Variants in FLOT1 observed in about 807,000 individuals in gnomAD.
FLOT1 encodes the protein flotillin-1.
In FLOT1, 40 loss-of-function variants were observed where a neutral mutation model predicts 58.4. That is an observed-to-expected ratio of 0.69 (90% CI 0.53 to 0.89). The LOEUF (loss-of-function observed/expected upper bound fraction) is 0.89. FLOT1 is among the 40% of genes least tolerant of loss of function. The probability of loss-of-function intolerance (pLI) is 0.00; values close to 1 mark genes in which losing one functional copy is unlikely to be tolerated. For synonymous variants in FLOT1, 178 were observed against 204.2 expected (o/e 0.87, Z 1.09); for missense variants, 423 against 540.8 (o/e 0.78, Z 2.16).
In FLOT1 at chr6:30,741,041, C is replaced by T. The variant is rs1047775073; in HGVS notation, c.354+149G>A. 6.5e-6 allele frequency: 7 copies of T among 1,084,946 alleles called. No individual in the cohort carries two copies. Among genetic ancestry groups the T allele is most frequent in the Non-Finnish European group, 9.1e-6 (7 of 768,086 alleles). 67.2% of individuals were successfully genotyped at this position (1,084,946 alleles called of 1,614,324 possible). A position where few individuals can be genotyped will look rare whatever the true frequency, so the allele number is the denominator to read the frequency against. ...ACCTCAAGTGATCTGCCCACCTTGG[C>T]ATCCCAAAGTGCTGGGATTACAGGC... On this transcript the variant is annotated intron_variant, in intron 5 of 12. Coordinates refer to ENST00000376389, the MANE Select transcript of FLOT1 (RefSeq NM_005803.4). This position sits in a 1 kb window ranked among gnomAD's most constrained non-coding sequence, Gnocchi z 5.9.
intron 5 of FLOT1, 36 bp from the exon 6 acceptor site, chr6:30,740,834 G>GTTTTTTTTTTTTT: frequency 2.3e-6 from 3 of 1,314,002 alleles, no homozygotes; most frequent in Non-Finnish European, 3.0e-6. Context: ...AGGGATGTAA[G>GTTTTTTTTTTTTT]TTTTTTTTTT....
At position 30,730,980 on chromosome 6, in the gene FLOT1, G is replaced by C. The variant is rs779840395; in HGVS notation, c.844C>G (p.Arg282Gly). The change falls in exon 9 of 13, where the codon CGG (arginine) becomes GGG (glycine). Residue 282 changes from arginine (R) to glycine (G), a missense_variant. Arg to Gly is a moderately radical substitution (Grantham distance 125). Transcript: ENST00000376389. ...TCCGCTTCCGCTGGCTTCCGCACCC[G>C]GGCCTCCAGCTCCTTCTCCCGCCGG... ...IARREKELEA[R>G]VRKPAEAERY... 6.2e-7 allele frequency: 1 copy of C among 1,613,896 alleles called. No individual in the cohort carries two copies. The highest frequency in any genetic ancestry group is 8.5e-7 in the Non-Finnish European group (1 of 1,179,966).
rs1225707678 is a variant in FLOT1, at chr6:30,737,475, C to T, written c.723+2683G>A. 2.0e-5 allele frequency among the ~76,000 whole-genome samples: 3 copies of T among 152,118 alleles called. No homozygotes were observed. Among genetic ancestry groups the T allele is most frequent in the Admixed American group, 2.0e-4 (3 of 15,268 alleles). On this transcript the variant is annotated intron_variant, in intron 8 of 12. Coordinates refer to ENST00000376389, the MANE Select transcript of FLOT1 (RefSeq NM_005803.4). The surrounding 1 kb of genome is among the most constrained non-coding windows in gnomAD (Gnocchi z 4.4). ...GGGTTTCACTGTTGGCCAGACTGGT[C>T]TCAAACTCCCGGCCTCAAGTGATCT...
chr6:30,728,978 CTG>C (rs1776949990), intron 12 of FLOT1, among the ~76,000 whole-genome samples: 1 of 151,954 alleles, frequency 6.6e-6, no homozygotes, highest in African/African-American at 2.4e-5. Flanking sequence ...CGGGGTTTCA[CTG>C]TGTTAGCCAG....
chr6:30,734,046 G>GAA (rs796499603), intron 8 of FLOT1, among the ~76,000 whole-genome samples: 2,990 of 48,762 alleles, frequency 0.061, 357 homozygotes, highest in Non-Finnish European at 0.1. Flanking sequence ...CCCTGTCTCT[G>GAA]AAAAAAAAAA....
rs573773178 is a variant in FLOT1 at position 30,728,042 on chromosome 6, G to C, written c.*74C>G. ...TCAATGGACATGCTCAGGGAGGCCA[G>C]TGGGTTACATGCAACAGGAGGATCA... On this transcript the variant is annotated 3_prime_UTR_variant, in exon 13 of 13. Transcript: ENST00000376389. 2.0e-4 allele frequency: 270 copies of C among 1,377,894 alleles called. 1 individual carries two copies. The South Asian group carries it at 3.1e-3, about 16-fold the overall frequency. 85.4% of individuals were successfully genotyped at this position (1,377,894 alleles called of 1,614,324 possible).
chr6:30,734,947 C>A (rs1777460131), intron 8 of FLOT1, among the ~76,000 whole-genome samples: 1 of 152,166 alleles, frequency 6.6e-6, no homozygotes, highest in African/African-American at 2.4e-5. Flanking sequence ...CCTTTGTCAT[C>A]TGCTCAGAGG....
In FLOT1 at chr6:30,742,242, G is replaced by A. The variant is rs1343778910; in HGVS notation, c.-14-39C>T. On this transcript the variant is annotated intron_variant, in intron 1 of 12. Transcript: ENST00000376389. The surrounding 1 kb of genome is among the most constrained non-coding windows in gnomAD (Gnocchi z 5.2). The stretch of plus-strand genomic sequence containing the variant: ...AGGGAAAGCCTTTGCGGATGGGGAA[G>A]GCGCGCTGTGGCGTCCACAGGGGCC... 6.4e-7 allele frequency: 1 copy of A among 1,562,848 alleles called. No homozygotes were observed. Among genetic ancestry groups the A allele is most frequent in the Non-Finnish European group, 8.8e-7 (1 of 1,134,336 alleles).
chr6:30,729,513 A>T (rs1776997176), intron 12 of FLOT1, among the ~76,000 whole-genome samples: 1 of 152,220 alleles, frequency 6.6e-6, no homozygotes, highest in Non-Finnish European at 1.5e-5. Flanking sequence ...ATGAGGAAAC[A>T]GGTATAGAGA....
chr6:30,739,404 C>T (rs1293700763), intron 8 of FLOT1, among the ~76,000 whole-genome samples: 1 of 151,536 alleles, frequency 6.6e-6, no homozygotes, highest in Non-Finnish European at 1.5e-5. Context: ...GAGTCTCACT[C>T]TGTCACCCAG....
chr6:30,738,942 T>C (rs938354878), intron 8 of FLOT1, among the ~76,000 whole-genome samples: 2 of 152,226 alleles, frequency 1.3e-5, no homozygotes. Flanking sequence ...GTACTGTGCG[T>C]GTCTGCAAAA....
At chr6:30,729,334 C>G (rs898270129) in intron 12 of FLOT1, among the ~76,000 whole-genome samples, 1 of 152,184 alleles carries the variant, frequency 6.6e-6, no homozygotes, top group African/African-American at 2.4e-5. Flanking sequence ...CTGCCTCAGC[C>G]TCCCAAAGTG....
intron 8 of FLOT1, among the ~76,000 whole-genome samples, chr6:30,736,856 G>A (rs1041626948): frequency 2.6e-5 from 4 of 151,984 alleles, no homozygotes; most frequent in Non-Finnish European, 4.4e-5. Flanking sequence ...GCCTCCCAAA[G>A]TGTTGGGATT....
chr6:30,736,318 G>A (rs1318162803), intron 8 of FLOT1: 1 of 151,836 alleles, frequency 6.6e-6, no homozygotes, highest in African/African-American at 2.4e-5. Context: ...GACTAATCAA[G>A]TGCAATAGTG....
At position 30,740,486 on chromosome 6, in the gene FLOT1, T is replaced by C. The variant is rs767777185; in HGVS notation, c.570+10A>G. ...CCCCTTTCCCACTAAGCAACCCCCA[T>C]CTCTCTCACCCGGATCCCAGCATCT... On this transcript the variant is annotated intron_variant, in intron 7 of 12. Transcript: ENST00000376389. 6.2e-7 allele frequency: 1 copy of C among 1,611,618 alleles called. No homozygotes were observed. Among genetic ancestry groups the C allele is most frequent in the Non-Finnish European group, 8.5e-7 (1 of 1,179,402 alleles).
Position 30,731,068 on chromosome 6 carries a change from C to G in FLOT1, c.756G>C (p.Gln252His). ...GCTCCACCACCTGCACCTGCACCCG[C>G]TGCTCCTCAATCTGCTGCTTAGTCT... ...VAKTKQQIEE[Q>H]RVQVQVVERA... The change falls in exon 9 of 13, where the codon CAG (glutamine) becomes CAC (histidine). Residue 252 changes from glutamine to histidine, a missense_variant. Gln to His is a conservative substitution (Grantham distance 24). Transcript: ENST00000376389. 6.2e-7 allele frequency: 1 copy of G among 1,609,934 alleles called. No individual in the cohort carries two copies. Among genetic ancestry groups the G allele is most frequent in the Non-Finnish European group, 8.5e-7 (1 of 1,179,662 alleles).
Position 30,730,169 on chromosome 6 carries a change from A to G in FLOT1, c.1107T>C (p.Ser369=). Residue 369 remains serine (S), a synonymous_variant, in exon 12 of 13, where the codon AGT becomes AGC. Transcript: ENST00000376389. The stretch of plus-strand genomic sequence containing the variant: ...TCTTATTGGCTGAAGTCAAGGGACC[A>G]CTGATCTCCTCTGCCACCTGGCAGG... ...EKLPQVAEEI[S]GPLTSANKIT... 1 of 1,613,050 alleles carries G rather than the reference A, an allele frequency of 6.2e-7. No individual in the cohort carries two copies. The highest frequency in any genetic ancestry group is 8.5e-7 in the Non-Finnish European group (1 of 1,180,018).
rs556838662 is a variant in FLOT1, at chr6:30,740,507, C to A, written c.559G>T (p.Ala187Ser). ...RIGEAEAKRD[A>S]GIREAKAKQE... ...CCCATCTCTCTCACCCGGATCCCAGCATCTCTCTTGGCCTCTGCTTCTCCA... is the reference window on the plus strand; with the variant it reads ...CCCATCTCTCTCACCCGGATCCCAGAATCTCTCTTGGCCTCTGCTTCTCCA... Residue 187 changes from alanine to serine, a missense_variant, in exon 7 of 13, where the codon GCT (alanine) becomes TCT (serine). By Grantham distance (99) the Ala-to-Ser change is moderately conservative. Transcript: ENST00000376389. 5.0e-6 allele frequency: 8 copies of A among 1,612,756 alleles called. No homozygotes were observed. In the East Asian group the frequency reaches 1.3e-4, roughly 27 times the overall value.
In FLOT1 at chr6:30,741,152, T is replaced by G; in HGVS notation, c.354+38A>C. On this transcript the variant is annotated intron_variant, in intron 5 of 12. Transcript: ENST00000376389. This position sits in a 1 kb window ranked among gnomAD's most constrained non-coding sequence, Gnocchi z 5.9. ...TGTGGGCCTTGGGCCCCCCTCATTTTGACATCCTTCCAGATGGTTCCCTGC... is the reference window on the plus strand; with the variant it reads ...TGTGGGCCTTGGGCCCCCCTCATTTGGACATCCTTCCAGATGGTTCCCTGC... 7.5e-6 allele frequency: 12 copies of G among 1,609,636 alleles called. No homozygotes were observed. Among genetic ancestry groups the G allele is most frequent in the Non-Finnish European group, 1.0e-5 (12 of 1,178,344 alleles).
Sources: allele counts gnomAD v4.1 joint callset (sites outside exome capture counted in the v4.1 genomes callset), GRCh38; gene constraint gnomAD v4.1.1; non-coding constraint Gnocchi (gnomAD v3.1); transcripts MANE v1.5; gene names NCBI Gene and HGNC (gene_info 2026-07-23, HGNC 2026-07-21).